Variants in BTBD9 observed in about 807,000 individuals in gnomAD.
The protein encoded by BTBD9 is BTB domain containing 9, also known as BTB/POZ domain-containing protein 9.
A neutral mutation model predicts 64.3 loss-of-function variants in BTBD9; 49 were observed. The observed-to-expected ratio is 0.76, with a 90% CI of 0.61 to 0.97. The LOEUF (loss-of-function observed/expected upper bound fraction) is 0.97. Among genes scored for constraint, BTBD9 ranks in the 50% least tolerant of loss-of-function variants. The pLI is 0.00. For synonymous variants in BTBD9, 260 were observed against 274.7 expected, an observed-to-expected ratio of 0.95 and a Z score of 0.53; for missense variants, 598 against 762.1, an observed-to-expected ratio of 0.78 and a Z score of 2.53.
rs1021338527 is a variant in BTBD9, at chr6:38,174,813, C to A, written c.*172G>T. ...GATAAATTGAGAAGAACAAAGCAGC[C>A]CCTTTCTGTCCTTGGGAGAAAACCT... On this transcript the variant is annotated 3_prime_UTR_variant, in exon 11 of 11. Coordinates refer to ENST00000481247, the MANE Select transcript of BTBD9 (RefSeq NM_001099272.2). The A allele has an allele frequency of 5.5e-5, 41 of 742,902 alleles. No homozygotes were observed. The East Asian group carries it at 1.0e-3, about 19-fold the overall frequency. 46.0% of individuals were successfully genotyped at this position (742,902 alleles called of 1,614,324 possible). A position where few individuals can be genotyped will look rare whatever the true frequency, so the allele number is the denominator to read the frequency against.
chr6:38,238,764 C>T (rs537961886), intron 9 of BTBD9, among the ~76,000 whole-genome samples: 3 of 152,220 alleles, frequency 2.0e-5, no homozygotes, highest in South Asian at 2.1e-4. Flanking sequence ...TGAGCCACCG[C>T]GCCTGGCCGA....
At chr6:38,491,155 G>C (rs1169040954) in intron 6 of BTBD9, among the ~76,000 whole-genome samples, 1 of 152,182 alleles carries the variant, frequency 6.6e-6, no homozygotes, top group African/African-American at 2.4e-5. Context: ...CGAAACTCAA[G>C]CATAGGAGAA....
At position 38,513,339 on chromosome 6, in the gene BTBD9, T is replaced by C. The variant is rs113701604; in HGVS notation, c.1154+64261A>G. Among the ~76,000 whole-genome samples the C allele has an allele frequency of 5.3e-3, 808 of 151,814 alleles. 18 individuals carry two copies. The highest frequency in any genetic ancestry group is 0.019 in the African/African-American group (778 of 41,378). On this transcript the variant is annotated intron_variant, in intron 6 of 10. Transcript: ENST00000481247. Reference sequence around the variant, plus strand: ...GGTGCATGCCTATAGTCCCAGCTACTTGGGAGGCTGAAGCAGAAGAATTGC... The same window carrying C: ...GGTGCATGCCTATAGTCCCAGCTACCTGGGAGGCTGAAGCAGAAGAATTGC...
At chr6:38,275,233 A>G (rs1444588697) in intron 8 of BTBD9, among the ~76,000 whole-genome samples, 5 of 151,936 alleles carry the variant, frequency 3.3e-5, no homozygotes, top group South Asian at 2.1e-4. Context: ...ACCTGACAAA[A>G]ACAAGCAATG....
chr6:38,581,955 C>T (rs938837755), intron 4 of BTBD9, among the ~76,000 whole-genome samples: 1 of 152,170 alleles, frequency 6.6e-6, no homozygotes, highest in African/African-American at 2.4e-5. Flanking sequence ...ACCGAATTCT[C>T]ACAGTACACA....
chr6:38,513,063 A>G (rs1772846118), intron 6 of BTBD9, among the ~76,000 whole-genome samples: 1 of 152,168 alleles, frequency 6.6e-6, no homozygotes, highest in Non-Finnish European at 1.5e-5. Flanking sequence ...CTTTACCCCA[A>G]TGCCTAACCA....
intron 1 of BTBD9, among the ~76,000 whole-genome samples, chr6:38,637,308 A>T (rs1488703463): frequency 2.0e-5 from 3 of 152,246 alleles, no homozygotes; most frequent in Admixed American, 6.5e-5. Context: ...GCACCCAGTA[A>T]GTATCTGCTG....
chr6:38,517,624 C>A (rs1015272637), intron 6 of BTBD9, among the ~76,000 whole-genome samples: 4 of 152,168 alleles, frequency 2.6e-5, no homozygotes, highest in Non-Finnish European at 5.9e-5. Context: ...CTCCTATTAA[C>A]TAGGAACAGG....
At chr6:38,475,885 G>A (rs1222537866) in intron 6 of BTBD9, among the ~76,000 whole-genome samples, 1 of 152,120 alleles carries the variant, frequency 6.6e-6, no homozygotes, top group East Asian at 1.9e-4. Context: ...GAGAGTCTCA[G>A]AGAATCTGAG....
intron 7 of BTBD9, among the ~76,000 whole-genome samples, chr6:38,327,405 A>C (rs776977367): frequency 3.9e-5 from 6 of 152,156 alleles, no homozygotes; most frequent in Admixed American, 2.6e-4. Flanking sequence ...GCCCCTTCCC[A>C]AAACTGTATA....
intron 9 of BTBD9, among the ~76,000 whole-genome samples, chr6:38,230,431 G>A (rs142818102): frequency 0.049 from 7,295 of 148,406 alleles, 266 homozygotes; most frequent in Non-Finnish European, 0.068. Flanking sequence ...GGAGATGGAG[G>A]TTGTGGTGAG....
At chr6:38,239,376 G>A (rs1388925088) in intron 9 of BTBD9, among the ~76,000 whole-genome samples, 3 of 149,428 alleles carry the variant, frequency 2.0e-5, no homozygotes, top group Non-Finnish European at 3.0e-5. Flanking sequence ...GGATGTGGAG[G>A]TTGCAGTGAG....
At chr6:38,487,284 C>T (rs970742858) in intron 6 of BTBD9, among the ~76,000 whole-genome samples, 2 of 152,008 alleles carry the variant, frequency 1.3e-5, no homozygotes, top group African/African-American at 4.8e-5. Context: ...TGAAGACCTA[C>T]CTTAGGAGGG....
At chr6:38,392,227 G>A (rs1766451300) in intron 6 of BTBD9, among the ~76,000 whole-genome samples, 1 of 150,854 alleles carries the variant, frequency 6.6e-6, no homozygotes, top group African/African-American at 2.4e-5. Context: ...TCATCAGACA[G>A]AAAGAGAGAA....
chr6:38,423,726 C>G (rs1472814969), intron 6 of BTBD9, among the ~76,000 whole-genome samples: 1 of 152,046 alleles, frequency 6.6e-6, no homozygotes, highest in Non-Finnish European at 1.5e-5. Context: ...ACTTGAAATC[C>G]ACCAGGTCAA....
At chr6:38,487,806 C>A (rs1771526713) in intron 6 of BTBD9, among the ~76,000 whole-genome samples, 1 of 152,112 alleles carries the variant, frequency 6.6e-6, no homozygotes, top group African/African-American at 2.4e-5. Flanking sequence ...AAACTATGGC[C>A]TGCGAGCCAA....
At chr6:38,272,717 T>C (rs1765236728) in intron 8 of BTBD9, among the ~76,000 whole-genome samples, 1 of 152,180 alleles carries the variant, frequency 6.6e-6, no homozygotes, top group South Asian at 2.1e-4. Flanking sequence ...TTACCACCAA[T>C]TCTCAAACAA....
In BTBD9 at chr6:38,226,801, G is replaced by A. The variant is rs141475020; in HGVS notation, c.1562+29608C>T. 5.9e-5 allele frequency among the ~76,000 whole-genome samples: 9 copies of A among 152,306 alleles called. No homozygotes were observed. In the East Asian group the frequency reaches 1.5e-3, roughly 26 times the overall value. ...CACAGAGTTACCTCCACTGACATAA[G>A]AGGCTTCTAAAGTCATTTGTGGTAC... On this transcript the variant is annotated intron_variant, in intron 9 of 10. Transcript: ENST00000481247.
At chr6:38,618,889 G>A (rs1777888359) in intron 1 of BTBD9, among the ~76,000 whole-genome samples, 2 of 152,164 alleles carry the variant, frequency 1.3e-5, no homozygotes, top group Admixed American at 1.3e-4. Flanking sequence ...CAGAATGATA[G>A]CCGGAGAAAG....
Sources: allele counts gnomAD v4.1 joint callset (sites outside exome capture counted in the v4.1 genomes callset), GRCh38; gene constraint gnomAD v4.1.1; transcripts MANE v1.5; gene names NCBI Gene and HGNC (gene_info 2026-07-23, HGNC 2026-07-21).